Variants in KMT5C observed in about 807,000 individuals in gnomAD.
KMT5C encodes the protein lysine methyltransferase 5C.
KMT5C carries 16 observed loss-of-function variants against 38.2 expected under a neutral mutation model. The observed-to-expected ratio is 0.42, with a 90% CI of 0.28 to 0.64. The LOEUF (loss-of-function observed/expected upper bound fraction) is 0.64, where lower values mean the gene tolerates loss of function less well. KMT5C is among the 30% of genes least tolerant of loss of function. The pLI, the probability that KMT5C is intolerant of heterozygous loss-of-function variation, is 0.23. For missense variants in KMT5C, 598 were observed against 665.1 expected (o/e 0.90, Z 1.11); for synonymous variants, 291 against 279.0 (o/e 1.04, Z -0.43).
chr19:55,343,589 C>T lies in KMT5C; in HGVS notation c.387-91C>T. The T allele has an allele frequency of 1.5e-6, 2 of 1,298,882 alleles. No homozygotes were observed. The highest frequency in any genetic ancestry group is 2.1e-6 in the Non-Finnish European group (2 of 937,760). The allele number at this position is 1,298,882 out of a possible 1,614,324, so 80.5% of individuals were successfully genotyped here. A position where few individuals can be genotyped will look rare whatever the true frequency, so the allele number is the denominator to read the frequency against. ...ACCAGCGCCCAGGAGTCCCTCCTTC[C>T]TGGGTGCCTCTGTGCCGGAGGCCCG... On this transcript the variant is annotated intron_variant, in intron 4 of 8. Transcript: ENST00000255613. This position sits in a 1 kb window ranked among gnomAD's most constrained non-coding sequence, Gnocchi z 5.5.
intron 4 of KMT5C, 40 bp downstream of exon 4, chr19:55,342,891 A>G (rs765656104): frequency 1.6e-6 from 2 of 1,260,788 alleles, no homozygotes; most frequent in Admixed American, 3.4e-5. Context: ...CTTGGAGGAG[A>G]CAGAGCTCAG....
chr19:55,344,521 G>A (rs1054104971), intron 6 of KMT5C: 16 of 368,878 alleles, frequency 4.3e-5, no homozygotes, highest in African/African-American at 3.4e-4. Flanking sequence ...CAGTTGCACT[G>A]GAACCCTGGT....
rs778819037 is a variant in KMT5C at position 55,343,668 on chromosome 19, G to C, written c.387-12G>C. The C allele has an allele frequency of 6.4e-7, 1 of 1,551,580 alleles. No individual in the cohort carries two copies. Among genetic ancestry groups the C allele is most frequent in the Admixed American group, 2.0e-5 (1 of 51,060 alleles). On this transcript the variant is annotated splice_polypyrimidine_tract_variant and intron_variant, in intron 4 of 8. Coordinates refer to ENST00000255613, the MANE Select transcript of KMT5C (RefSeq NM_032701.4). The surrounding 1 kb of genome is among the most constrained non-coding windows in gnomAD (Gnocchi z 5.5). ...GCATCGCCCACAGCCCTGCCCCCTG[G>C]CCTCTTGGCAGGAAAAAGAATGAGA...
chr19:55,346,092 C>A, intron 6 of KMT5C, 121 bp from the exon 7 acceptor site: 3 of 1,233,376 alleles, frequency 2.4e-6, no homozygotes, highest in South Asian at 2.8e-5. Flanking sequence ...CTTTTAGGGG[C>A]TCAGCTGTTG....
At chr19:55,344,083 G>C in intron 6 of KMT5C, 86 bp downstream of exon 6, 1 of 1,467,362 alleles carries the variant, frequency 6.8e-7, no homozygotes, top group Non-Finnish European at 9.4e-7. Flanking sequence ...TCAGTAAAGA[G>C]CCAAACACCG....
Position 55,347,287 on chromosome 19 carries a change from G to GGCCCCAGCCCCACCAGCT in KMT5C, c.1228_1245dup (p.Ala410_Ala415dup). 6.4e-7 allele frequency: 1 copy of GGCCCCAGCCCCACCAGCT among 1,563,558 alleles called. No individual in the cohort carries two copies. Among genetic ancestry groups the GGCCCCAGCCCCACCAGCT allele is most frequent in the Non-Finnish European group, 8.6e-7 (1 of 1,157,530 alleles). ...TGGTGCGTGTGGACCTTCGTCGCCT[G>GGCCCCAGCCCCACCAGCT]GCCCCAGCCCCACCAGCTACCCCAG... On this transcript the variant is annotated inframe_insertion, in exon 9 of 9. Coordinates refer to ENST00000255613, the MANE Select transcript of KMT5C (RefSeq NM_032701.4). This position sits in a 1 kb window ranked among gnomAD's most constrained non-coding sequence, Gnocchi z 4.6.
chr19:55,342,411 C>A, intron 3 of KMT5C, 31 bp downstream of exon 3: 1 of 1,430,166 alleles, frequency 7.0e-7, no homozygotes, highest in African/African-American at 1.4e-5. Context: ...CCCGCCCTCA[C>A]CGCGTGTCCT....
intron 6 of KMT5C, 48 bp from the exon 7 acceptor site, chr19:55,346,165 C>T: frequency 6.2e-7 from 1 of 1,609,606 alleles, no homozygotes; most frequent in Non-Finnish European, 8.5e-7. Flanking sequence ...AGTGGGTGAG[C>T]CCTCCCCTGT....
rs2089628144 is a variant in KMT5C, at chr19:55,347,044, C to G, written c.984C>G (p.Pro328=). The change falls in exon 9 of 9, where the codon CCC becomes CCG. Residue 328 remains proline, a synonymous_variant. Transcript: ENST00000255613. This position sits in a 1 kb window ranked among gnomAD's most constrained non-coding sequence, Gnocchi z 4.6. ...TCCAGTGGCTGCCTCAGCCCCAGCCCCGAGTGCGGCCCCGGAAGCGCCGAC... is the reference window on the plus strand; with the variant it reads ...TCCAGTGGCTGCCTCAGCCCCAGCCGCGAGTGCGGCCCCGGAAGCGCCGAC... ...LWLQWLPQPQ[P]RVRPRKRRRP... The G allele has an allele frequency of 1.3e-6, 2 of 1,552,002 alleles. No individual in the cohort carries two copies. The highest frequency in any genetic ancestry group is 2.7e-5 in the African/African-American group (2 of 73,858).
rs565744964 is a variant in KMT5C, at chr19:55,347,419, C to A, written c.1359C>A (p.Ile453=). 23 of 1,559,564 alleles carry A rather than the reference C, an allele frequency of 1.5e-5. No individual in the cohort carries two copies. Among genetic ancestry groups the A allele is most frequent in the Non-Finnish European group, 2.0e-5 (23 of 1,159,712 alleles). The change falls in exon 9 of 9, where the codon ATC becomes ATA. Residue 453 remains isoleucine (I), a synonymous_variant. Coordinates refer to ENST00000255613, the MANE Select transcript of KMT5C (RefSeq NM_032701.4). This position sits in a 1 kb window ranked among gnomAD's most constrained non-coding sequence, Gnocchi z 4.6. The part of the protein sequence containing the change: ...RLRLVVSHGS[I]DLDVGGEEL ...GGCTGGTGGTCAGCCACGGCTCCAT[C>A]GACCTGGATGTCGGCGGTGAAGAGC...
At chr19:55,345,445 CAA>C (rs1331440283) in intron 6 of KMT5C, among the ~76,000 whole-genome samples, 1 of 151,810 alleles carries the variant, frequency 6.6e-6, no homozygotes, top group Non-Finnish European at 1.5e-5. Flanking sequence ...AGGGTGGCCA[CAA>C]AGAGGTGATG....
At position 55,342,360 on chromosome 19, in the gene KMT5C, G is replaced by A; in HGVS notation, c.256G>A (p.Glu86Lys). 2 of 1,538,114 alleles carry A rather than the reference G, an allele frequency of 1.3e-6. No individual in the cohort carries two copies. The highest frequency in any genetic ancestry group is 1.8e-6 in the Non-Finnish European group (2 of 1,142,810). The part of the protein sequence containing the change: ...RYFQSRGPRQ[E>K]AALKTHVYRY... ...CTTCCAGAGCCGGGGCCCGCGGCAG[G>A]AGGCTGCCCTCAAGACCCACGTGAG... The change falls in exon 3 of 9, where the codon GAG becomes AAG. Residue 86 changes from glutamate (E) to lysine (K), a missense_variant. By Grantham distance (56) the Glu-to-Lys change is moderately conservative. Around this residue, in one of 3 missense-constraint regions of KMT5C, gnomAD observed 167 missense variants for 187.8 expected, o/e 0.89. Transcript: ENST00000255613.
At position 55,346,194 on chromosome 19, in the gene KMT5C, G is replaced by C. The variant is rs777389889; in HGVS notation, c.571-19G>C. 1 of 1,613,330 alleles carries C rather than the reference G, an allele frequency of 6.2e-7. No individual in the cohort carries two copies. The highest frequency in any genetic ancestry group is 1.7e-5 in the Admixed American group (1 of 60,008). On this transcript the variant is annotated intron_variant, in intron 6 of 8. Transcript: ENST00000255613. ...CCCCTGTGCCCTGGGCCAGGGCGCT[G>C]AGTGGGCTTGGCCCTCAGTTTGTGC...
intron 8 of KMT5C, 39 bp downstream of exon 8, chr19:55,346,726 T>C: frequency 6.9e-7 from 1 of 1,450,624 alleles, no homozygotes; most frequent in South Asian, 1.3e-5. Flanking sequence ...GCCCCTCCCC[T>C]GTCTGCTCCT....
chr19:55,342,878 A>T, intron 4 of KMT5C, 27 bp downstream of exon 4: 1 of 1,332,744 alleles, frequency 7.5e-7, no homozygotes, highest in Middle Eastern at 1.8e-4. Flanking sequence ...CCCTGCAGGT[A>T]TCCTTGGAGG....
chr19:55,342,257 G>T lies in KMT5C; in HGVS notation c.153G>T (p.Ala51=). 3 of 1,609,006 alleles carry T rather than the reference G, an allele frequency of 1.9e-6. No homozygotes were observed. Among genetic ancestry groups the T allele is most frequent in the Non-Finnish European group, 2.5e-6 (3 of 1,178,576 alleles). Reference sequence around the variant, plus strand: ...GGCGACAGCAGCACCTGCGCTCAGCGCTGGAAACTTTCCTGAGGCAGCGGG... The same window carrying T: ...GGCGACAGCAGCACCTGCGCTCAGCTCTGGAAACTTTCCTGAGGCAGCGGG... ...PLRRQQHLRS[A]LETFLRQRDL... is the part of the protein sequence containing the mutation. Residue 51 remains alanine, a synonymous_variant, in exon 3 of 9, where the codon GCG becomes GCT. Transcript: ENST00000255613.
At chr19:55,341,431 G>A (rs2089555787) in intron 1 of KMT5C, among the ~76,000 whole-genome samples, 1 of 152,224 alleles carries the variant, frequency 6.6e-6, no homozygotes, top group African/African-American at 2.4e-5. Context: ...GGGCTGGCGG[G>A]AAGCTTTGAC....
chr19:55,346,674 G>T lies in KMT5C; in HGVS notation c.882G>T (p.Arg294=). 3 of 1,567,454 alleles carry T rather than the reference G, an allele frequency of 1.9e-6. No homozygotes were observed. The highest frequency in any genetic ancestry group is 1.2e-5 in the South Asian group (1 of 85,346). Residue 294 remains arginine (R), a synonymous_variant, in exon 8 of 9, where the codon CGG becomes CGT. Coordinates refer to ENST00000255613, the MANE Select transcript of KMT5C (RefSeq NM_032701.4). ...GCGTGCACCCATCCCCGCTGCGCCG[G>T]GACCCATTCTGCGGTGAGCACCCCT... ...RACVHPSPLR[R]DPFCAACQPL... is the part of the protein sequence containing the mutation.
In KMT5C at chr19:55,347,372, T is replaced by A; in HGVS notation, c.1312T>A (p.Phe438Ile). The A allele has an allele frequency of 2.5e-6, 4 of 1,585,830 alleles. No homozygotes were observed. The highest frequency in any genetic ancestry group is 3.4e-6 in the Non-Finnish European group (4 of 1,171,522). The change falls in exon 9 of 9, where the codon TTC (phenylalanine) becomes ATC (isoleucine). Residue 438 changes from phenylalanine (F) to isoleucine (I), a missense_variant. Phe to Ile is a conservative substitution (Grantham distance 21). Coordinates refer to ENST00000255613, the MANE Select transcript of KMT5C (RefSeq NM_032701.4). This position sits in a 1 kb window ranked among gnomAD's most constrained non-coding sequence, Gnocchi z 4.6. The part of the protein sequence containing the change: ...IPKQALAFAP[F>I]SPPKRLRLVV... Reference sequence around the variant, plus strand: ...GAAGCAGGCCCTCGCCTTCGCCCCCTTCTCCCCACCCAAGCGCCTACGGCT... The same window carrying A: ...GAAGCAGGCCCTCGCCTTCGCCCCCATCTCCCCACCCAAGCGCCTACGGCT...
Sources: allele counts gnomAD v4.1 joint callset (sites outside exome capture counted in the v4.1 genomes callset), GRCh38; gene constraint gnomAD v4.1.1; regional missense constraint gnomAD v4.1.1; non-coding constraint Gnocchi (gnomAD v3.1); transcripts MANE v1.5; gene names NCBI Gene and HGNC (gene_info 2026-07-23, HGNC 2026-07-21).